The following LRRC59 variants were observed in gnomAD, a reference collection of about 807,000 sequenced individuals.
LRRC59 encodes the protein leucine rich repeat containing 59.
LRRC59 carries 18 observed loss-of-function variants against 33.5 expected under a neutral mutation model. The observed-to-expected ratio is 0.54, with a 90% CI of 0.37 to 0.80. The LOEUF is 0.80. Ranked by LOEUF, LRRC59 falls within the 30% of genes least tolerant of loss-of-function variation. The pLI is 0.00. For missense variants in LRRC59, 330 were observed against 391.9 expected (o/e 0.84, Z 1.33); for synonymous variants, 138 against 160.0 (o/e 0.86, Z 1.04).
chr17:50,386,897 C>G (rs1041420332), intron 5 of LRRC59, among the ~76,000 whole-genome samples: 1 of 152,166 alleles, frequency 6.6e-6, no homozygotes, highest in Admixed American at 6.5e-5. Flanking sequence ...GGCCACATTC[C>G]AGTGCCTATA....
chr17:50,396,138 C>CA (rs1333094469), intron 1 of LRRC59: 1 of 152,188 alleles, frequency 6.6e-6, no homozygotes, highest in African/African-American at 2.4e-5. Flanking sequence ...CTTTCTGTCA[C>CA]AAAGTCGTAA....
chr17:50,385,811 G>A (rs1913987226), intron 5 of LRRC59, among the ~76,000 whole-genome samples: 1 of 152,180 alleles, frequency 6.6e-6, no homozygotes, highest in South Asian at 2.1e-4. Flanking sequence ...TATAACCCTA[G>A]GACTTTGGGA....
chr17:50,395,106 T>C (rs748450608), intron 1 of LRRC59, 118 bp from the exon 2 acceptor site: 13 of 670,652 alleles, frequency 1.9e-5, no homozygotes, highest in Non-Finnish European at 3.0e-5. Context: ...CCTTTTAAAA[T>C]GGCAGTAAAG....
intron 3 of LRRC59, 116 bp downstream of exon 3, chr17:50,392,623 C>A: frequency 6.7e-7 from 1 of 1,483,344 alleles, no homozygotes. Flanking sequence ...TAGGGAGCGC[C>A]ATCTGAGGCA....
rs1913900468 is a variant in LRRC59, at chr17:50,382,830, TG to T, written c.*157del. The stretch of plus-strand genomic sequence containing the variant: ...CCTTCAGGGAACCCTGACTAAGGAA[TG>T]AAGAAGTCCTACAAAGAGGAGGTCT... On this transcript the variant is annotated 3_prime_UTR_variant, in exon 7 of 7. Coordinates refer to ENST00000225972, the MANE Select transcript of LRRC59 (RefSeq NM_018509.4). 1.3e-6 allele frequency: 1 copy of T among 766,552 alleles called. No homozygotes were observed. The highest frequency in any genetic ancestry group is 3.7e-5 in the Admixed American group (1 of 26,914). The allele number at this position is 766,552 out of a possible 1,614,324, so 47.5% of individuals were successfully genotyped here. A position where few individuals can be genotyped will look rare whatever the true frequency, so the allele number is the denominator to read the frequency against.
rs1221131293 is a variant in LRRC59 at position 50,388,062 on chromosome 17, C to T, written c.500G>A (p.Arg167His). The T allele has an allele frequency of 1.9e-6, 3 of 1,614,092 alleles. No individual in the cohort carries two copies. The highest frequency in any genetic ancestry group is 4.5e-5 in the East Asian group (2 of 44,902). ...RERQRRLEVE[R>H]EAEKKREAKQ... The stretch of plus-strand genomic sequence containing the variant: ...CTACAAGAGGGACAGCCACCTACCA[C>T]GTTCTACTTCCAGCCGCCGCTGCCT... Residue 167 changes from arginine (R) to histidine (H), a missense_variant and splice_region_variant, in exon 5 of 7, where the codon CGT (arginine) becomes CAT (histidine). Transcript: ENST00000225972.
Position 50,381,242 on chromosome 17 carries a change from C to T in LRRC59, c.*1746G>A, listed in dbSNP as rs568114581. On this transcript the variant is annotated 3_prime_UTR_variant, in exon 7 of 7. Coordinates refer to ENST00000225972, the MANE Select transcript of LRRC59 (RefSeq NM_018509.4). ...AACACAAAGGAACAAAGACAGTCCACTCAGACACTTATTTAATAACTGTAG... is the reference window on the plus strand; with the variant it reads ...AACACAAAGGAACAAAGACAGTCCATTCAGACACTTATTTAATAACTGTAG... 1.1e-3 allele frequency: 376 copies of T among 329,640 alleles called. No homozygotes were observed. The highest frequency in any genetic ancestry group is 1.8e-3 in the Non-Finnish European group (326 of 177,990). 20.4% of individuals were successfully genotyped at this position (329,640 alleles called of 1,614,324 possible). A position where few individuals can be genotyped will look rare whatever the true frequency, so the allele number is the denominator to read the frequency against.
rs1914170147 is a variant in LRRC59, at chr17:50,392,509, A to G, written c.325-7T>C. The G allele has an allele frequency of 4.3e-6, 7 of 1,609,990 alleles. No homozygotes were observed. Among genetic ancestry groups the G allele is most frequent in the East Asian group, 2.2e-5 (1 of 44,856 alleles). ...GGTCCAACCACTTCAGGTTCTAAAG[A>G]GATGGGCGATGGGCAAAGAGGCTCA... On this transcript the variant is annotated splice_polypyrimidine_tract_variant and splice_region_variant and intron_variant, in intron 3 of 6. Coordinates refer to ENST00000225972, the MANE Select transcript of LRRC59 (RefSeq NM_018509.4).
At chr17:50,396,005 G>C (rs1439860265) in intron 1 of LRRC59, 2 of 152,176 alleles carry the variant, frequency 1.3e-5, no homozygotes, top group East Asian at 3.9e-4. Flanking sequence ...GGACTGTTCA[G>C]ATGCCTGGAG....
In LRRC59 at chr17:50,383,046, T is replaced by C. The variant is rs1431659990; in HGVS notation, c.866A>G (p.Gln289Arg). ...SVNTIYDNAV[Q>R]GLRRHEILQW... ...GAGGATCTCATGGCGGCGTAGACCC[T>C]GGACCGCATTGTCATAGATGGTGTT... is the stretch of plus-strand genomic sequence containing the variant. The change falls in exon 7 of 7, where the codon CAG becomes CGG. Residue 289 changes from glutamine to arginine, a missense_variant. Transcript: ENST00000225972. The C allele has an allele frequency of 6.2e-7, 1 of 1,612,858 alleles. No individual in the cohort carries two copies. Among genetic ancestry groups the C allele is most frequent in the Non-Finnish European group, 8.5e-7 (1 of 1,180,014 alleles).
chr17:50,384,903 G>A (rs1375793456), intron 6 of LRRC59, among the ~76,000 whole-genome samples: 1 of 152,154 alleles, frequency 6.6e-6, no homozygotes, highest in East Asian at 1.9e-4. Context: ...CACCTGCACA[G>A]AAGTATGTGG....
At position 50,397,425 on chromosome 17, in the gene LRRC59, C is replaced by G. The variant is rs191335519; in HGVS notation, c.-108G>C. On this transcript the variant is annotated 5_prime_UTR_variant, in exon 1 of 7. Transcript: ENST00000225972. Reference sequence around the variant, plus strand: ...CCCCACCCAAACGACGACGCCTGAGCCCTCCGTCGCCGCCGATGCGAGACC... The same window carrying G: ...CCCCACCCAAACGACGACGCCTGAGGCCTCCGTCGCCGCCGATGCGAGACC... The G allele has an allele frequency of 9.4e-6, 7 of 741,918 alleles. No homozygotes were observed. The highest frequency in any genetic ancestry group is 1.4e-5 in the Non-Finnish European group (7 of 493,746). The allele number at this position is 741,918 out of a possible 1,614,324, so 46.0% of individuals were successfully genotyped here.
chr17:50,382,850 G>C lies in LRRC59; in HGVS notation c.*138C>G, dbSNP rs1281295504. ...AGGAATGAAGAAGTCCTACAAAGAGGAGGTCTCATGTACCAATCTGCAGCC... is the reference window on the plus strand; with the variant it reads ...AGGAATGAAGAAGTCCTACAAAGAGCAGGTCTCATGTACCAATCTGCAGCC... On this transcript the variant is annotated 3_prime_UTR_variant, in exon 7 of 7. Coordinates refer to ENST00000225972, the MANE Select transcript of LRRC59 (RefSeq NM_018509.4). The C allele has an allele frequency of 9.4e-7, 1 of 1,069,246 alleles. No homozygotes were observed. The allele number at this position is 1,069,246 out of a possible 1,614,324, so 66.2% of individuals were successfully genotyped here. A position where few individuals can be genotyped will look rare whatever the true frequency, so the allele number is the denominator to read the frequency against.
intron 6 of LRRC59, among the ~76,000 whole-genome samples, chr17:50,384,520 C>A (rs909383957): frequency 1.1e-4 from 16 of 152,048 alleles, no homozygotes; most frequent in Non-Finnish European, 1.5e-5. Flanking sequence ...AATCCCAGCA[C>A]TTGGGGAGGC....
At chr17:50,394,871 A>C in intron 2 of LRRC59, 58 bp downstream of exon 2, 4 of 1,164,554 alleles carry the variant, frequency 3.4e-6, no homozygotes, top group Non-Finnish European at 5.0e-6. Flanking sequence ...AACCCCCGAA[A>C]CAGGAAGGAG....
Position 50,392,681 on chromosome 17 carries a change from C to T in LRRC59, c.324+58G>A, listed in dbSNP as rs1250555618. 1.9e-6 allele frequency: 3 copies of T among 1,596,888 alleles called. No individual in the cohort carries two copies. The East Asian group carries it at 6.7e-5, about 36-fold the overall frequency. On this transcript the variant is annotated intron_variant, in intron 3 of 6. Transcript: ENST00000225972. ...GTCAGCCTTTCTCAGGGCCGTGCTC[C>T]AGAGTCCCTGAGTTCTCTGCCACCC...
intron 5 of LRRC59, among the ~76,000 whole-genome samples, chr17:50,386,689 G>A (rs1914012345): frequency 6.6e-6 from 1 of 152,148 alleles, no homozygotes; most frequent in African/African-American, 2.4e-5. Flanking sequence ...TTGCCACAGT[G>A]GCCATGCGTA....
intron 5 of LRRC59, among the ~76,000 whole-genome samples, chr17:50,385,799 C>T (rs1039773913): frequency 2.6e-5 from 4 of 152,198 alleles, no homozygotes; most frequent in Admixed American, 6.5e-5. Flanking sequence ...GTAGTTCATG[C>T]CTATAACCCT....
intron 2 of LRRC59, among the ~76,000 whole-genome samples, chr17:50,393,196 G>A (rs1179095660): frequency 6.6e-6 from 1 of 152,162 alleles, no homozygotes. Context: ...TGGCTCTACT[G>A]TTAGCAGCCG....
Sources: allele counts gnomAD v4.1 joint callset (sites outside exome capture counted in the v4.1 genomes callset), GRCh38; gene constraint gnomAD v4.1.1; transcripts MANE v1.5; gene names NCBI Gene and HGNC (gene_info 2026-07-23, HGNC 2026-07-21).